INPP5A: variants seen among roughly 807,000 people sequenced by gnomAD.
The protein encoded by INPP5A is inositol polyphosphate-5-phosphatase A, also known as 43 kDa inositol polyphosphate 5-phophatase.
A neutral mutation model predicts 65.2 loss-of-function variants in INPP5A; 14 were observed. The ratio of observed to expected loss-of-function variants is 0.21; its 90% CI spans 0.14 to 0.34. INPP5A has a LOEUF of 0.34. Ranked by LOEUF, INPP5A falls within the 10% of genes least tolerant of loss-of-function variation. The probability of loss-of-function intolerance (pLI) is 1.00; values close to 1 mark genes in which losing one functional copy is unlikely to be tolerated. For missense variants in INPP5A, 431 were observed against 545.6 expected (o/e 0.79, Z 2.09); for synonymous variants, 207 against 208.3 (o/e 0.99, Z 0.05).
At position 132,741,085 on chromosome 10, in the gene INPP5A, T is replaced by A. The variant is rs1198158578; in HGVS notation, c.733-8432T>A. ...TCTACAGAAAATAAGAAAGTAAAAT[T>A]AGCCAGGCATTGTGGGGCACGCCTG... is the stretch of plus-strand genomic sequence containing the variant. On this transcript the variant is annotated intron_variant, in intron 9 of 15. Coordinates refer to ENST00000368594, the MANE Select transcript of INPP5A (RefSeq NM_005539.5). This position sits in a 1 kb window ranked among gnomAD's most constrained non-coding sequence, Gnocchi z 4.4. 1.3e-5 allele frequency among the ~76,000 whole-genome samples: 2 copies of A among 151,898 alleles called. No homozygotes were observed. Among genetic ancestry groups the A allele is most frequent in the Non-Finnish European group, 2.9e-5 (2 of 67,966 alleles).
intron 1 of INPP5A, among the ~76,000 whole-genome samples, chr10:132,557,033 G>A (rs551265724): frequency 3.3e-5 from 5 of 152,342 alleles, no homozygotes; most frequent in South Asian, 2.1e-4. Flanking sequence ...CTCATTGTAC[G>A]CACATGTTGT....
intron 1 of INPP5A, among the ~76,000 whole-genome samples, chr10:132,605,327 G>T (rs2071834503): frequency 7.7e-6 from 1 of 129,940 alleles, no homozygotes; most frequent in East Asian, 2.4e-4. Context: ...TGGGGATGGG[G>T]AGGGGATGGG....
intron 12 of INPP5A, among the ~76,000 whole-genome samples, chr10:132,771,751 CA>C (rs1199709464): frequency 1.9e-3 from 120 of 64,164 alleles, no homozygotes; most frequent in East Asian, 3.1e-3. Context: ...ACACAGAGGC[CA>C]CAGCAGCCAC....
At chr10:132,775,016 GGC>G (rs1847027887) in intron 12 of INPP5A, among the ~76,000 whole-genome samples, 1 of 55,302 alleles carries the variant, frequency 1.8e-5, no homozygotes. Context: ...AGAGAGGAGG[GGC>G]AGGGAGGAGG....
At position 132,780,500 on chromosome 10, in the gene INPP5A, G is replaced by A. The variant is rs200528783; in HGVS notation, c.1090-349G>A. 3.3e-5 allele frequency among the ~76,000 whole-genome samples: 5 copies of A among 152,372 alleles called. No homozygotes were observed. In the East Asian group the frequency reaches 9.6e-4, roughly 29 times the overall value. On this transcript the variant is annotated intron_variant, in intron 13 of 15. Coordinates refer to ENST00000368594, the MANE Select transcript of INPP5A (RefSeq NM_005539.5). ...CACACTCCTGTGAACAGGGTCCCCTGCAACTCCCCTGAGAGCCCAGGAGCA... is the reference window on the plus strand; with the variant it reads ...CACACTCCTGTGAACAGGGTCCCCTACAACTCCCCTGAGAGCCCAGGAGCA...
rs1231357492 is a variant in INPP5A, at chr10:132,547,597, C to G, written c.75+9426C>G. 1.3e-5 allele frequency among the ~76,000 whole-genome samples: 2 copies of G among 152,202 alleles called. No homozygotes were observed. The highest frequency in any genetic ancestry group is 2.9e-5 in the Non-Finnish European group (2 of 68,032). On this transcript the variant is annotated intron_variant, in intron 1 of 15. Coordinates refer to ENST00000368594, the MANE Select transcript of INPP5A (RefSeq NM_005539.5). This position sits in a 1 kb window ranked among gnomAD's most constrained non-coding sequence, Gnocchi z 5.5. ...TCGCCGTCGCCCTGGGCTGACCTCC[C>G]ATCTCCTCCTTCTCTACCCAAGCGC... is the stretch of plus-strand genomic sequence containing the variant.
At position 132,678,794 on chromosome 10, in the gene INPP5A, A is replaced by C. The variant is rs2073004820; in HGVS notation, c.307-11598A>C. On this transcript the variant is annotated intron_variant, in intron 4 of 15. Transcript: ENST00000368594. This position sits in a 1 kb window ranked among gnomAD's most constrained non-coding sequence, Gnocchi z 4.1. Reference sequence around the variant, plus strand: ...GGAAAGGCTGGGGACTGGGACTGCCAAGCCTCTGCCCAGAGTAGCCAATCA... The same window carrying C: ...GGAAAGGCTGGGGACTGGGACTGCCCAGCCTCTGCCCAGAGTAGCCAATCA... 1.3e-5 allele frequency among the ~76,000 whole-genome samples: 2 copies of C among 152,254 alleles called. No individual in the cohort carries two copies. Among genetic ancestry groups the C allele is most frequent in the Admixed American group, 6.5e-5 (1 of 15,288 alleles).
At chr10:132,615,608 T>C (rs2072021178) in intron 2 of INPP5A, among the ~76,000 whole-genome samples, 2 of 152,236 alleles carry the variant, frequency 1.3e-5, no homozygotes, top group Non-Finnish European at 2.9e-5. Flanking sequence ...GCTTTGCGGC[T>C]GCATTTCTGC....
rs544672471 is a variant in INPP5A, at chr10:132,703,720, C to T, written c.475-4593C>T. Among the ~76,000 whole-genome samples the T allele has an allele frequency of 3.0e-5, 3 of 99,856 alleles. No individual in the cohort carries two copies. In the East Asian group the frequency reaches 1.1e-3, roughly 38 times the overall value. 65.5% of individuals were successfully genotyped at this position (99,856 alleles called of 152,430 possible). ...CATGCGGCTTCACCCCCCCCACACA[C>T]TCACGGCTTCACCTGCACACACATA... On this transcript the variant is annotated intron_variant, in intron 6 of 15. Coordinates refer to ENST00000368594, the MANE Select transcript of INPP5A (RefSeq NM_005539.5).
rs960242987 is a variant in INPP5A at position 132,705,035 on chromosome 10, G to A, written c.475-3278G>A. Among the ~76,000 whole-genome samples the A allele has an allele frequency of 6.6e-6, 1 of 151,804 alleles. No individual in the cohort carries two copies. Among genetic ancestry groups the A allele is most frequent in the Non-Finnish European group, 1.5e-5 (1 of 67,946 alleles). On this transcript the variant is annotated intron_variant, in intron 6 of 15. Transcript: ENST00000368594. The surrounding 1 kb of genome is among the most constrained non-coding windows in gnomAD (Gnocchi z 4.9). ...AAGGGCGTCTGGACAGGTGGCAGGC[G>A]GCTCGTCTGGAGTGCAGGCTGAGTG... is the stretch of plus-strand genomic sequence containing the variant.
intron 1 of INPP5A, among the ~76,000 whole-genome samples, chr10:132,564,789 A>G (rs551895567): frequency 2.0e-5 from 3 of 152,154 alleles, no homozygotes; most frequent in African/African-American, 7.2e-5. Flanking sequence ...GGGCTCTTCT[A>G]TGAGGTCTGG....
At chr10:132,780,252 G>A (rs189783787) in intron 13 of INPP5A, among the ~76,000 whole-genome samples, 61 of 152,368 alleles carry the variant, frequency 4.0e-4, no homozygotes, top group Non-Finnish European at 6.6e-4. Context: ...AACCCCTTCC[G>A]GAGGCGCCCG....
intron 12 of INPP5A, among the ~76,000 whole-genome samples, chr10:132,776,108 G>A (rs1396822065): frequency 6.6e-6 from 1 of 152,192 alleles, no homozygotes; most frequent in Admixed American, 6.5e-5. Context: ...CCTGAACAAA[G>A]TGGCCCAGCC....
chr10:132,636,722 A>C (rs554297599), intron 2 of INPP5A, among the ~76,000 whole-genome samples: 2 of 152,260 alleles, frequency 1.3e-5, no homozygotes, highest in Non-Finnish European at 2.9e-5. Flanking sequence ...TGGGGGCAAA[A>C]TTTCCCAAAT....
intron 8 of INPP5A, among the ~76,000 whole-genome samples, chr10:132,723,488 G>T (rs987172009): frequency 2.7e-5 from 4 of 149,088 alleles, no homozygotes; most frequent in Admixed American, 2.0e-4. Context: ...GGCCGTGTGG[G>T]GATTGGCCGT....
intron 7 of INPP5A, among the ~76,000 whole-genome samples, chr10:132,709,906 TTG>T (rs1845605135): frequency 6.6e-6 from 1 of 152,130 alleles, no homozygotes; most frequent in African/African-American, 2.4e-5. Context: ...GGTCTTCCCT[TTG>T]GGAGTGAAAT....
intron 1 of INPP5A, among the ~76,000 whole-genome samples, chr10:132,542,209 G>A (rs914680153): frequency 6.6e-6 from 1 of 152,236 alleles, no homozygotes; most frequent in Non-Finnish European, 1.5e-5. Flanking sequence ...TCAGTTCTGA[G>A]CCAGTTTGCC....
At chr10:132,719,471 G>T (rs1376434217) in intron 8 of INPP5A, among the ~76,000 whole-genome samples, 1 of 144,718 alleles carries the variant, frequency 6.9e-6, no homozygotes, top group South Asian at 2.2e-4. Context: ...CACCTTAGAC[G>T]GCTGTCTTGC....
intron 2 of INPP5A, 52 bp downstream of exon 2, chr10:132,608,008 T>C: frequency 6.4e-7 from 1 of 1,557,306 alleles, no homozygotes. Flanking sequence ...GCCAATAAGG[T>C]GCCTTTTTGC....
Sources: gnomAD v4.1 joint callset for allele counts (sites outside exome capture counted in the v4.1 genomes callset) on GRCh38, gnomAD v4.1.1 for gene constraint, Gnocchi (gnomAD v3.1) non-coding constraint, MANE v1.5 for transcripts, NCBI Gene and HGNC (gene_info 2026-07-23, HGNC 2026-07-21) for gene names.